Variants in FAT3 observed in about 807,000 individuals in gnomAD.
The protein encoded by FAT3 is FAT atypical cadherin 3.
In FAT3, 95 loss-of-function variants were observed where a neutral mutation model predicts 310.2. The ratio of observed to expected loss-of-function variants is 0.31; its 90% confidence interval spans 0.26 to 0.36. The LOEUF is 0.36. FAT3 is among the 10% of genes least tolerant of loss of function. The pLI is 1.00. For missense variants in FAT3, 5,408 were observed against 5,715.6 expected (o/e 0.95, Z 1.74); for synonymous variants, 2,314 against 2,192.9 (o/e 1.06, Z -1.54).
intron 3 of FAT3, among the ~76,000 whole-genome samples, chr11:92,661,746 A>G (rs1942790655): frequency 6.6e-6 from 1 of 152,138 alleles, no homozygotes; most frequent in African/African-American, 2.4e-5. Context: ...TTTCAGAAAG[A>G]ACTGAAGAGG....
chr11:92,490,217 C>G (rs905833319), intron 2 of FAT3, among the ~76,000 whole-genome samples: 1 of 152,082 alleles, frequency 6.6e-6, no homozygotes, highest in Non-Finnish European at 1.5e-5. Context: ...TGATGATAGC[C>G]ATCGGCATAA....
At chr11:92,361,670 G>GT (rs35157844) in intron 2 of FAT3, among the ~76,000 whole-genome samples, 116 of 147,010 alleles carry the variant, frequency 7.9e-4, no homozygotes, top group South Asian at 8.6e-4. Flanking sequence ...AGGTTGTAAG[G>GT]TTTTTTTTTT....
At chr11:92,853,231 G>T (rs1402216936) in intron 19 of FAT3, among the ~76,000 whole-genome samples, 1 of 152,250 alleles carries the variant, frequency 6.6e-6, no homozygotes, top group Admixed American at 6.5e-5. Context: ...CACTGCTATG[G>T]CAGGGCAGGC....
At chr11:92,314,284 G>C in intron 1 of FAT3, 3 of 983,312 alleles carry the variant, frequency 3.1e-6, no homozygotes, top group Non-Finnish European at 3.6e-6. Context: ...CTAAGGTTCA[G>C]ATGAGAACAT....
At position 92,831,647 on chromosome 11, in the gene FAT3, C is replaced by T. The variant is rs897972555; in HGVS notation, c.9507C>T (p.Ser3169=). The T allele has an allele frequency of 3.1e-6, 5 of 1,612,764 alleles. No homozygotes were observed. The African/African-American group carries it at 6.7e-5, about 22-fold the overall frequency. ...DIGINRKVVY[S]LADSAGGVFS... ...GCATCAATAGGAAGGTCGTGTACTC[C>T]CTGGCAGACTCAGCTGGTGGGGTCT... The change falls in exon 14 of 28, where the codon TCC becomes TCT. Residue 3169 remains serine (S), a synonymous_variant. Transcript: ENST00000525166.
chr11:92,810,392 A>G (rs1157665814), intron 13 of FAT3, among the ~76,000 whole-genome samples: 1 of 152,184 alleles, frequency 6.6e-6, no homozygotes, highest in Admixed American at 6.5e-5. Context: ...AATAAAAATG[A>G]TAGATTTCCT....
At chr11:92,230,706 A>G (rs758890927) in intron 1 of FAT3, among the ~76,000 whole-genome samples, 1 of 152,226 alleles carries the variant, frequency 6.6e-6, no homozygotes, top group Non-Finnish European at 1.5e-5. Flanking sequence ...AAATATATCC[A>G]TTGCTTCTGC....
intron 3 of FAT3, among the ~76,000 whole-genome samples, chr11:92,644,191 T>A (rs1405131324): frequency 6.6e-6 from 1 of 152,212 alleles, no homozygotes; most frequent in East Asian, 1.9e-4. Context: ...TGCATTGACA[T>A]ATAGCATCTC....
chr11:92,327,037 A>G (rs1414365772), intron 1 of FAT3, among the ~76,000 whole-genome samples: 3 of 152,102 alleles, frequency 2.0e-5, no homozygotes, highest in African/African-American at 4.8e-5. Context: ...AATAATCAGA[A>G]TTTTAAGATA....
intron 2 of FAT3, among the ~76,000 whole-genome samples, chr11:92,362,223 A>T (rs1040528340): frequency 6.6e-6 from 1 of 152,214 alleles, no homozygotes; most frequent in Admixed American, 6.5e-5. Flanking sequence ...TAGGAGACCT[A>T]ATGTACACTT....
intron 2 of FAT3, among the ~76,000 whole-genome samples, chr11:92,367,428 T>C (rs753798972): frequency 8.6e-5 from 13 of 152,030 alleles, no homozygotes; most frequent in Non-Finnish European, 1.3e-4. Context: ...AGACCCTCTG[T>C]CTAAAAATAA....
intron 2 of FAT3, among the ~76,000 whole-genome samples, chr11:92,392,273 T>C (rs1027136052): frequency 2.0e-5 from 3 of 152,180 alleles, no homozygotes; most frequent in Non-Finnish European, 4.4e-5. Context: ...GTTACTAGTA[T>C]TACAAAATAA....
chr11:92,577,475 A>G (rs1191101359), intron 3 of FAT3, among the ~76,000 whole-genome samples: 1 of 152,102 alleles, frequency 6.6e-6, no homozygotes, highest in Non-Finnish European at 1.5e-5. Flanking sequence ...GGGGTACAAT[A>G]TGATGTTTTA....
At chr11:92,596,286 A>G (rs1001087635) in intron 3 of FAT3, among the ~76,000 whole-genome samples, 2 of 152,118 alleles carry the variant, frequency 1.3e-5, no homozygotes, top group African/African-American at 4.8e-5. Context: ...CAGAATTTCT[A>G]TATAGGATGA....
chr11:92,640,888 G>T (rs1941934194), intron 3 of FAT3, among the ~76,000 whole-genome samples: 1 of 152,142 alleles, frequency 6.6e-6, no homozygotes. Flanking sequence ...GATGATGAAG[G>T]AATTTAGATA....
chr11:92,557,065 GT>G (rs1035677161), intron 3 of FAT3, among the ~76,000 whole-genome samples: 1 of 151,768 alleles, frequency 6.6e-6, no homozygotes, highest in African/African-American at 2.4e-5. Context: ...ATTTTTCATA[GT>G]TTTCATCTTT....
chr11:92,779,224 G>A (rs1012171502), intron 7 of FAT3, among the ~76,000 whole-genome samples: 3 of 152,062 alleles, frequency 2.0e-5, no homozygotes, highest in African/African-American at 4.8e-5. Flanking sequence ...TGGGGTTATC[G>A]TCCCTCCAAA....
At chr11:92,406,891 C>T (rs74583115) in intron 2 of FAT3, among the ~76,000 whole-genome samples, 1 of 152,114 alleles carries the variant, frequency 6.6e-6, no homozygotes, top group African/African-American at 2.4e-5. Context: ...CTACCCTCTT[C>T]CTGGCCAGAT....
intron 4 of FAT3, among the ~76,000 whole-genome samples, chr11:92,746,464 G>A (rs551311590): frequency 6.6e-6 from 1 of 152,272 alleles, no homozygotes; most frequent in Non-Finnish European, 1.5e-5. Context: ...GATATGTGGG[G>A]ATTATTACAA....
Sources: allele counts gnomAD v4.1 joint callset (sites outside exome capture counted in the v4.1 genomes callset), GRCh38; gene constraint gnomAD v4.1.1; transcripts MANE v1.5; gene names NCBI Gene and HGNC (gene_info 2026-07-23, HGNC 2026-07-21).